Variants in RASAL3 observed in about 807,000 individuals in gnomAD.
The protein encoded by RASAL3 is RAS protein activator like-3.
Under a neutral mutation model 105.5 loss-of-function variants are expected in RASAL3, and 74 were observed. That is an observed-to-expected ratio of 0.70 (90% CI 0.58 to 0.85). The LOEUF (loss-of-function observed/expected upper bound fraction) is 0.85. Ranked by LOEUF, RASAL3 falls within the 40% of genes least tolerant of loss-of-function variation. The pLI is 0.00. For synonymous variants in RASAL3, 579 were observed against 591.6 expected, an observed-to-expected ratio of 0.98 and a Z score of 0.31; for missense variants, 1,352 against 1,392.0, an observed-to-expected ratio of 0.97 and a Z score of 0.46.
rs183436210 is a variant in RASAL3 at position 15,461,351 on chromosome 19, C to G, written c.466-55G>C. On this transcript the variant is annotated intron_variant, in intron 3 of 17. Transcript: ENST00000343625. ...GAGGGGAGGCAGGCAGGCAGGCAGG[C>G]AGGCAGACCGAGGGAGAGGCAGACA... 2.0e-3 allele frequency: 3,163 copies of G among 1,574,072 alleles called. 66 individuals are homozygous for G. Among genetic ancestry groups the G allele is most frequent in the Non-Finnish European group, 2.0e-4 (228 of 1,154,600 alleles).
In RASAL3 at chr19:15,461,602, C is replaced by G. The variant is rs770178704; in HGVS notation, c.334G>C (p.Glu112Gln). ...PEPEQEAPEL[E>Q]PEPELEPPTP... ...GGGGGCTCCAGCTCTGGCTCCGGCTCCAGCTCTGGGAAGAAGAGGAGGCAC... is the reference window on the plus strand; with the variant it reads ...GGGGGCTCCAGCTCTGGCTCCGGCTGCAGCTCTGGGAAGAAGAGGAGGCAC... The change falls in exon 3 of 18, where the codon GAG (glutamate) becomes CAG (glutamine). Residue 112 changes from glutamate (E) to glutamine (Q), a missense_variant. By Grantham distance (29) the Glu-to-Gln change is conservative. This residue lies in a region of RASAL3 where 344 missense variants were observed against 339.6 expected (regional missense o/e 1.01). Transcript: ENST00000343625. 5 of 1,530,732 alleles carry G rather than the reference C, an allele frequency of 3.3e-6. No homozygotes were observed. The South Asian group carries it at 6.3e-5, about 19-fold the overall frequency. 94.8% of individuals were successfully genotyped at this position (1,530,732 alleles called of 1,614,324 possible).
At chr19:15,459,981 A>C (rs777695659) in intron 6 of RASAL3, among the ~76,000 whole-genome samples, 1 of 152,108 alleles carries the variant, frequency 6.6e-6, no homozygotes. Context: ...ACCCTCCCAG[A>C]CCAGTTGATT....
intron 2 of RASAL3, 59 bp from the exon 3 acceptor site, chr19:15,461,666 C>T (rs1970516670): frequency 1.4e-6 from 2 of 1,441,538 alleles, no homozygotes; most frequent in South Asian, 1.6e-5. Context: ...CTCAGGCTAC[C>T]CTTTCCATTC....
At position 15,454,570 on chromosome 19, in the gene RASAL3, A is replaced by T; in HGVS notation, c.1959-8T>A. ...GCCTCCTTCTCACCGAACCTGGATC[A>T]GGGCCAGGCTGGGTGGGTCAGGTCA... On this transcript the variant is annotated splice_region_variant and splice_polypyrimidine_tract_variant and intron_variant, in intron 12 of 17. Coordinates refer to ENST00000343625, the MANE Select transcript of RASAL3 (RefSeq NM_022904.3). 6.2e-7 allele frequency: 1 copy of T among 1,613,244 alleles called. No individual in the cohort carries two copies.
At position 15,452,809 on chromosome 19, in the gene RASAL3, C is replaced by T; in HGVS notation, c.2677G>A (p.Glu893Lys). The change falls in exon 16 of 18, where the codon GAG becomes AAG. Residue 893 changes from glutamate (E) to lysine (K), a missense_variant. Glu to Lys is a moderately conservative substitution (Grantham distance 56). Transcript: ENST00000343625. ...GTHRPVNKLA[E>K]LQCEVAALRE... ...AGAGCGGCCACCTCGCACTGCAGCT[C>T]TGCCAACTGTGGTGGGAGAGCAGCT... The T allele has an allele frequency of 3.2e-6, 5 of 1,552,592 alleles. No homozygotes were observed. The highest frequency in any genetic ancestry group is 4.4e-6 in the Non-Finnish European group (5 of 1,147,122).
intron 6 of RASAL3, among the ~76,000 whole-genome samples, chr19:15,459,604 C>A (rs1423520997): frequency 6.6e-6 from 1 of 152,040 alleles, no homozygotes; most frequent in African/African-American, 2.4e-5. Context: ...GTGGCATGAT[C>A]TCTGTGCACT....
At position 15,456,113 on chromosome 19, in the gene RASAL3, T is replaced by C. The variant is rs1970307043; in HGVS notation, c.1712A>G (p.His571Arg). 3.1e-6 allele frequency: 5 copies of C among 1,613,472 alleles called. No homozygotes were observed. The highest frequency in any genetic ancestry group is 2.5e-6 in the Non-Finnish European group (3 of 1,179,524). Reference sequence around the variant, plus strand: ...GGGCCCTGATTCTCACTCGTAGGAATGGATAATGGTTTCGAAGACCTCCTC... The same window carrying C: ...GGGCCCTGATTCTCACTCGTAGGAACGGATAATGGTTTCGAAGACCTCCTC... ...SCEEVFETII[H>R]SYDWFPAELG... The change falls in exon 11 of 18, where the codon CAT becomes CGT. Residue 571 changes from histidine to arginine, a missense_variant. His to Arg is a conservative substitution (Grantham distance 29, BLOSUM62 0). Transcript: ENST00000343625. The surrounding 1 kb of genome is among the most constrained non-coding windows in gnomAD (Gnocchi z 4.4).
In RASAL3 at chr19:15,458,434, G is replaced by A. The variant is rs1369057421; in HGVS notation, c.790-8C>T. On this transcript the variant is annotated splice_region_variant and splice_polypyrimidine_tract_variant and intron_variant, in intron 7 of 17. Transcript: ENST00000343625. Reference sequence around the variant, plus strand: ...TCCACCCGTCCAGGTTACCTGTTGGGATGGAGAATCCAACGGTGTGATCGA... The same window carrying A: ...TCCACCCGTCCAGGTTACCTGTTGGAATGGAGAATCCAACGGTGTGATCGA... The A allele has an allele frequency of 1.9e-6, 3 of 1,613,622 alleles. No homozygotes were observed. In the South Asian group the frequency reaches 3.3e-5, roughly 18 times the overall value.
chr19:15,461,712 C>T (rs1262845473), intron 2 of RASAL3, 105 bp from the exon 3 acceptor site: 1 of 1,399,916 alleles, frequency 7.1e-7, no homozygotes. Context: ...CTAGGTGCCC[C>T]CCACCCCAGC....
intron 6 of RASAL3, among the ~76,000 whole-genome samples, chr19:15,459,065 G>T (rs1970425950): frequency 6.6e-6 from 1 of 151,924 alleles, no homozygotes; most frequent in Non-Finnish European, 1.5e-5. Context: ...CAAGTAGCTG[G>T]GATCACAGGT....
At position 15,458,350 on chromosome 19, in the gene RASAL3, C is replaced by T; in HGVS notation, c.866G>A (p.Arg289His). Residue 289 changes from arginine (R) to histidine (H), a missense_variant, in exon 8 of 18, where the codon CGT becomes CAT. Transcript: ENST00000343625. ...AERDRWIEDL[R>H]RQFQPTQDNV... is the part of the protein sequence containing the mutation. The stretch of plus-strand genomic sequence containing the variant: ...GACCTGGGTGGGCTGGAATTGGCGA[C>T]GAAGGTCCTCGATCCAGCGGTCTCT... 3 of 1,613,800 alleles carry T rather than the reference C, an allele frequency of 1.9e-6. No homozygotes were observed. The highest frequency in any genetic ancestry group is 2.5e-6 in the Non-Finnish European group (3 of 1,179,828).
chr19:15,456,368 A>G lies in RASAL3; in HGVS notation c.1577-120T>C, dbSNP rs1970319999. The G allele has an allele frequency of 8.5e-6, 13 of 1,524,028 alleles. No individual in the cohort carries two copies. The highest frequency in any genetic ancestry group is 7.8e-5 in the Admixed American group (4 of 51,232). The allele number at this position is 1,524,028 out of a possible 1,614,324, so 94.4% of individuals were successfully genotyped here. A position where few individuals can be genotyped will look rare whatever the true frequency, so the allele number is the denominator to read the frequency against. ...CACCCAACATCTTGGGGAGCTCCCAATTGTCCCCAGGATCCTAGCACCCCC... is the reference window on the plus strand; with the variant it reads ...CACCCAACATCTTGGGGAGCTCCCAGTTGTCCCCAGGATCCTAGCACCCCC... On this transcript the variant is annotated intron_variant, in intron 10 of 17. Coordinates refer to ENST00000343625, the MANE Select transcript of RASAL3 (RefSeq NM_022904.3). This position sits in a 1 kb window ranked among gnomAD's most constrained non-coding sequence, Gnocchi z 4.4.
intron 6 of RASAL3, 90 bp downstream of exon 6, chr19:15,460,113 G>T: frequency 9.1e-7 from 1 of 1,103,744 alleles, no homozygotes; most frequent in Non-Finnish European, 1.3e-6. Flanking sequence ...CACAGGGGGT[G>T]TTTGGTGTAG....
chr19:15,460,204 C>T lies in RASAL3; in HGVS notation c.661G>A (p.Gly221Arg), dbSNP rs980093224. Residue 221 changes from glycine to arginine, a missense_variant and splice_region_variant, in exon 6 of 18, where the codon GGA (glycine) becomes AGA (arginine). Physicochemically the swap from Gly to Arg is moderately radical, Grantham distance 125. Transcript: ENST00000343625. ...CTCCAGCCTCTCATACACCCTTACC[C>T]ATCCCGGGGCTCCAACCTGGCCTTT... is the stretch of plus-strand genomic sequence containing the variant. ...KKKARLEPRD[G>R]PPSALGSRES... 3.1e-6 allele frequency: 5 copies of T among 1,606,506 alleles called. No individual in the cohort carries two copies. The South Asian group carries it at 5.6e-5, about 18-fold the overall frequency.
chr19:15,451,820 G>C lies in RASAL3; in HGVS notation c.3011C>G (p.Pro1004Arg), dbSNP rs1690062897. 6.2e-7 allele frequency: 1 copy of C among 1,601,432 alleles called. No homozygotes were observed. The highest frequency in any genetic ancestry group is 8.5e-7 in the Non-Finnish European group (1 of 1,170,704). ...SWSQPQPLKA[P>R]CLNGDTT is the part of the protein sequence containing the mutation. The stretch of plus-strand genomic sequence containing the variant: ...TCAGGTGGTGTCTCCATTGAGGCAG[G>C]GTGCTTTGAGGGGCTGGGGTTGACT... The change falls in exon 18 of 18, where the codon CCC (proline) becomes CGC (arginine). Residue 1004 changes from proline to arginine, a missense_variant. Around this residue, in one of 3 missense-constraint regions of RASAL3, gnomAD observed 920 missense variants for 919.6 expected, o/e 1.00. Coordinates refer to ENST00000343625, the MANE Select transcript of RASAL3 (RefSeq NM_022904.3).
chr19:15,454,080 C>T, intron 14 of RASAL3, 69 bp downstream of exon 14: 1 of 1,150,226 alleles, frequency 8.7e-7, no homozygotes, highest in East Asian at 2.6e-5. Context: ...AACTTCACCT[C>T]TGACCCCTGT....
chr19:15,464,020 G>C lies in RASAL3; in HGVS notation c.328+11C>G. On this transcript the variant is annotated intron_variant, in intron 2 of 17. Transcript: ENST00000343625. ...AGCCCGGCCCAAGCTCAGGGTGGGG[G>C]AACCATGTACCTGGGGCCTCCTGCT... is the stretch of plus-strand genomic sequence containing the variant. 1 of 1,535,140 alleles carries C rather than the reference G, an allele frequency of 6.5e-7. No individual in the cohort carries two copies. The highest frequency in any genetic ancestry group is 8.8e-7 in the Non-Finnish European group (1 of 1,142,188).
chr19:15,453,152 C>A lies in RASAL3; in HGVS notation c.2625G>T (p.Pro875=), dbSNP rs1200747451. ...TGCCCAGTGCCTGGTTTCGGTCTTG[C>A]GGCTGGTCCATTTGGCGCTGCCAGG... The part of the protein sequence containing the change: ...SVPWQRQMDQ[P]QDRNQALGTH... The change falls in exon 15 of 18, where the codon CCG becomes CCT. Residue 875 remains proline (P), a synonymous_variant. Coordinates refer to ENST00000343625, the MANE Select transcript of RASAL3 (RefSeq NM_022904.3). This position sits in a 1 kb window ranked among gnomAD's most constrained non-coding sequence, Gnocchi z 4.2. The A allele has an allele frequency of 1.5e-5, 25 of 1,613,454 alleles. No individual in the cohort carries two copies. The East Asian group carries it at 4.9e-4, about 32-fold the overall frequency.
chr19:15,454,794 G>A lies in RASAL3; in HGVS notation c.1821C>T (p.Ser607=). Residue 607 remains serine (S), a synonymous_variant, in exon 12 of 18, where the codon TCC becomes TCT. Transcript: ENST00000343625. The part of the protein sequence containing the change: ...EVLGPRLVCA[S]LFLRLLCPAI... The stretch of plus-strand genomic sequence containing the variant: ...CAGGGCACAGGAGCCGCAGGAAGAG[G>A]GAGGCGCACACCAGTCGGGGGCCCA... The A allele has an allele frequency of 6.3e-7, 1 of 1,598,940 alleles. No homozygotes were observed. The highest frequency in any genetic ancestry group is 1.1e-5 in the South Asian group (1 of 88,820).
Sources: allele counts gnomAD v4.1 joint callset (sites outside exome capture counted in the v4.1 genomes callset), GRCh38; gene constraint gnomAD v4.1.1; regional missense constraint gnomAD v4.1.1; non-coding constraint Gnocchi (gnomAD v3.1); transcripts MANE v1.5; gene names NCBI Gene and HGNC (gene_info 2026-07-23, HGNC 2026-07-21).